ITGAE: variants seen among roughly 807,000 people sequenced by gnomAD.
ITGAE encodes integrin alpha-E.
In ITGAE, 99 loss-of-function variants were observed where a neutral mutation model predicts 136.5. The ratio of observed to expected loss-of-function variants is 0.73; its 90% confidence interval spans 0.62 to 0.86. The LOEUF is 0.86. Among genes scored for constraint, ITGAE ranks in the 40% least tolerant of loss-of-function variants. The pLI is 0.00. For missense variants in ITGAE, 1,447 were observed against 1,515.3 expected (o/e 0.95, Z 0.75); for synonymous variants, 613 against 591.8 (o/e 1.04, Z -0.52).
At chr17:3,753,520 AC>A in intron 13 of ITGAE, 90 bp from the exon 14 acceptor site, 1 of 1,493,638 alleles carries the variant, frequency 6.7e-7, no homozygotes, top group Non-Finnish European at 9.0e-7. Flanking sequence ...TTCCTGGACC[AC>A]CCAATTTGGG....
intron 26 of ITGAE, chr17:3,726,493 T>G (rs1279830268): frequency 3.3e-6 from 2 of 612,694 alleles, no homozygotes; most frequent in Admixed American, 3.1e-5. Context: ...AACTGAAATA[T>G]TTGTTGAAAT....
chr17:3,755,211 C>T lies in ITGAE; in HGVS notation c.1290G>A (p.Ala430=). The T allele has an allele frequency of 1.9e-6, 3 of 1,577,040 alleles. No homozygotes were observed. Among genetic ancestry groups the T allele is most frequent in the Non-Finnish European group, 2.6e-6 (3 of 1,167,446 alleles). The change falls in exon 12 of 31, where the codon GCG becomes GCA. Residue 430 remains alanine, a synonymous_variant. Transcript: ENST00000263087. The stretch of plus-strand genomic sequence containing the variant: ...GGCGGCTGCGTGTGTCGTAGAGCAA[C>T]GCCCCTCCGGACCAGTCAAAGGCCC... ...AVGAFDWSGG[A]LLYDTRSRRG...
At chr17:3,743,272 G>A (rs573812919) in intron 19 of ITGAE, among the ~76,000 whole-genome samples, 1 of 152,312 alleles carries the variant, frequency 6.6e-6, no homozygotes, top group East Asian at 1.9e-4. Flanking sequence ...CAAGCCCCAG[G>A]GGCAGATGGA....
chr17:3,751,558 C>CT, intron 15 of ITGAE, 92 bp downstream of exon 15: 1 of 1,203,430 alleles, frequency 8.3e-7, no homozygotes, highest in Non-Finnish European at 1.2e-6. Context: ...CTGCCCAGCA[C>CT]TTAGGACTGA....
chr17:3,757,583 C>T, intron 9 of ITGAE, 123 bp downstream of exon 9: 1 of 1,035,480 alleles, frequency 9.7e-7, no homozygotes, highest in Non-Finnish European at 1.4e-6. Context: ...AGAAGAGGAG[C>T]ATTTGCAAAT....
intron 29 of ITGAE, among the ~76,000 whole-genome samples, chr17:3,719,200 G>A (rs1383669353): frequency 7.5e-6 from 1 of 133,810 alleles, no homozygotes; most frequent in Non-Finnish European, 1.5e-5. Flanking sequence ...GGCACCAACG[G>A]ACTCCAGCCT....
intron 21 of ITGAE, 112 bp downstream of exon 21, chr17:3,734,705 C>T: frequency 7.5e-7 from 1 of 1,328,052 alleles, no homozygotes; most frequent in Non-Finnish European, 1.1e-6. Context: ...GTTGGTTGGA[C>T]CAGGAGGAGG....
intron 1 of ITGAE, among the ~76,000 whole-genome samples, chr17:3,797,719 C>T (rs1309230828): frequency 6.6e-6 from 1 of 152,124 alleles, no homozygotes; most frequent in Non-Finnish European, 1.5e-5. Flanking sequence ...CCTTGGCCTC[C>T]CATAGTGCTG....
At chr17:3,745,998 G>C in intron 17 of ITGAE, 71 bp from the exon 18 acceptor site, 2 of 1,440,994 alleles carry the variant, frequency 1.4e-6, no homozygotes. Flanking sequence ...CCCCCAGCCT[G>C]CCTGAGGTTC....
intron 20 of ITGAE, among the ~76,000 whole-genome samples, chr17:3,736,348 C>T (rs533114715): frequency 6.6e-6 from 1 of 152,136 alleles, no homozygotes; most frequent in African/African-American, 2.4e-5. Context: ...TAATTAAATG[C>T]CTGGAGTCTA....
In ITGAE at chr17:3,761,090, G is replaced by A. The variant is rs1409078142; in HGVS notation, c.521C>T (p.Ala174Val). ...EGGGEDDVNTARQRRALEKEE... is the reference protein window; with the variant it reads ...EGGGEDDVNTVRQRRALEKEE... ...CTTCTCCAGAGCCCGGCGCTGCCTG[G>A]CTGTGTTCACATCGTCTTCTCCACC... Residue 174 changes from alanine to valine, a missense_variant, in exon 6 of 31, where the codon GCC becomes GTC. This residue lies in a region of ITGAE where 310 missense variants were observed against 416.1 expected (regional missense o/e 0.74). Transcript: ENST00000263087. The A allele has an allele frequency of 1.9e-6, 3 of 1,612,154 alleles. No individual in the cohort carries two copies. The highest frequency in any genetic ancestry group is 1.7e-5 in the Admixed American group (1 of 59,978).
At chr17:3,777,020 G>T (rs941659760) in intron 2 of ITGAE, among the ~76,000 whole-genome samples, 2 of 150,178 alleles carry the variant, frequency 1.3e-5, no homozygotes, top group African/African-American at 2.5e-5. Flanking sequence ...GAGTGCAGTG[G>T]CGCCATCTCG....
chr17:3,737,295 A>G (rs887332859), intron 20 of ITGAE, among the ~76,000 whole-genome samples: 1 of 148,018 alleles, frequency 6.8e-6, no homozygotes, highest in Non-Finnish European at 1.5e-5. Flanking sequence ...CCTGTCTCAA[A>G]AGAAGAAGAA....
At chr17:3,766,116 C>T (rs2052291532) in intron 2 of ITGAE, among the ~76,000 whole-genome samples, 1 of 151,962 alleles carries the variant, frequency 6.6e-6, no homozygotes, top group Admixed American at 6.6e-5. Context: ...GAGGGAGGCC[C>T]CGAAAACGGT....
At chr17:3,733,480 G>C (rs555128306) in intron 21 of ITGAE, among the ~76,000 whole-genome samples, 1 of 152,160 alleles carries the variant, frequency 6.6e-6, no homozygotes, top group East Asian at 1.9e-4. Flanking sequence ...GGAGTGCAGT[G>C]GCGCAATCTC....
intron 30 of ITGAE, among the ~76,000 whole-genome samples, chr17:3,715,866 T>A (rs2737128): frequency 0.15 from 22,665 of 151,476 alleles, 5,293 homozygotes; most frequent in African/African-American, 0.5. Context: ...TGTTTATTTT[T>A]AAAAAAGAGG....
At chr17:3,783,801 G>A (rs375908446) in intron 1 of ITGAE, among the ~76,000 whole-genome samples, 2 of 152,134 alleles carry the variant, frequency 1.3e-5, no homozygotes, top group Non-Finnish European at 2.9e-5. Flanking sequence ...CAAATATGTT[G>A]TTTTTGATTC....
At chr17:3,767,515 G>T (rs950384458) in intron 2 of ITGAE, among the ~76,000 whole-genome samples, 4 of 152,218 alleles carry the variant, frequency 2.6e-5, no homozygotes, top group African/African-American at 9.6e-5. Flanking sequence ...TTACAAGCAT[G>T]AGCCACCGTG....
intron 1 of ITGAE, among the ~76,000 whole-genome samples, chr17:3,791,285 C>A (rs1260509142): frequency 6.6e-6 from 1 of 151,300 alleles, no homozygotes; most frequent in Non-Finnish European, 1.5e-5. Flanking sequence ...AGAAAATGTC[C>A]ACGTTCTTTA....
Sources: allele counts gnomAD v4.1 joint callset (sites outside exome capture counted in the v4.1 genomes callset), GRCh38; gene constraint gnomAD v4.1.1; regional missense constraint gnomAD v4.1.1; transcripts MANE v1.5; gene names NCBI Gene and HGNC (gene_info 2026-07-23, HGNC 2026-07-21).